The following DACH2 variants were observed in gnomAD, a reference collection of about 807,000 sequenced individuals.
The protein encoded by DACH2 is dachshund homolog 2.
DACH2 carries 17 observed loss-of-function variants against 35.8 expected under a neutral mutation model. That is an observed-to-expected ratio of 0.48 (90% CI 0.33 to 0.71). DACH2 has a LOEUF of 0.71. DACH2 is among the 30% of genes least tolerant of loss of function. DACH2 has a pLI of 0.02. For synonymous variants in DACH2, 195 were observed against 177.3 expected (o/e 1.10, Z -0.79); for missense variants, 469 against 472.7 (o/e 0.99, Z 0.07).
At chrX:86,178,183 G>T (rs1045768853) in intron 1 of DACH2, among the ~76,000 whole-genome samples, 1 of 111,258 alleles carries the variant, frequency 9.0e-6, no homozygotes, top group Non-Finnish European at 1.9e-5. Flanking sequence ...AGGAGTAATT[G>T]CCCTACTCAA....
chrX:86,566,536 G>A (rs2179274), intron 3 of DACH2, among the ~76,000 whole-genome samples: 3 of 110,424 alleles, frequency 2.7e-5, no homozygotes, highest in Non-Finnish European at 5.7e-5. Context: ...AGCCTTAGTC[G>A]ATTAAAAACT....
At chrX:86,239,600 T>C (rs1281573068) in intron 1 of DACH2, among the ~76,000 whole-genome samples, 2 of 112,195 alleles carry the variant, frequency 1.8e-5, no homozygotes, top group Non-Finnish European at 3.8e-5. Flanking sequence ...CTCTTTCTGC[T>C]GTTGATGGAC....
At chrX:86,808,915 T>G (rs1472388437) in intron 7 of DACH2, among the ~76,000 whole-genome samples, 2 of 111,341 alleles carry the variant, frequency 1.8e-5, no homozygotes, top group Admixed American at 1.9e-4. Flanking sequence ...ATTTTCTGGG[T>G]GATTTTTCTA....
At chrX:86,603,732 G>A (rs2039821681) in intron 3 of DACH2, among the ~76,000 whole-genome samples, 1 of 111,088 alleles carries the variant, frequency 9.0e-6, no homozygotes, top group Non-Finnish European at 1.9e-5. Flanking sequence ...GGCTTGATAT[G>A]CTATTCTTTC....
intron 2 of DACH2, among the ~76,000 whole-genome samples, chrX:86,433,906 A>T (rs1433806383): frequency 8.9e-6 from 1 of 111,839 alleles, no homozygotes; most frequent in Non-Finnish European, 1.9e-5. Context: ...AAACATTATC[A>T]TGCATGTCCC....
At chrX:86,819,986 T>TGAA (rs751305353) in intron 11 of DACH2, among the ~76,000 whole-genome samples, 1 of 111,716 alleles carries the variant, frequency 9.0e-6, no homozygotes, top group Admixed American at 9.5e-5. Context: ...TTAAAAAAAA[T>TGAA]GAAGTTAACA....
At chrX:86,695,302 C>G (rs147681205) in intron 5 of DACH2, 123 bp downstream of exon 5, 9,346 of 540,538 alleles carry the variant, frequency 0.017, 76 homozygotes, top group Non-Finnish European at 0.022. Context: ...AATTTAATAT[C>G]AGAAGGGGAG....
At position 86,668,809 on chromosome X, in the gene DACH2, C is replaced by T. The variant is rs190137159; in HGVS notation, c.772+17642C>T. Among the ~76,000 whole-genome samples, 15 of 111,184 alleles carry T rather than the reference C, an allele frequency of 1.3e-4. No homozygotes were observed. In the East Asian group the frequency reaches 4.2e-3, roughly 31 times the overall value. On this transcript the variant is annotated intron_variant, in intron 4 of 11. Transcript: ENST00000373125. ...AGTGGGGAAAGGAAAGAGTATGCAC[C>T]TTGTTTTTAATTTTAGGAAACAAGG...
chrX:86,438,441 G>T (rs2148180168), intron 2 of DACH2, among the ~76,000 whole-genome samples: 1 of 110,526 alleles, frequency 9.0e-6, no homozygotes, highest in South Asian at 3.9e-4. Context: ...GGCCAGGCTG[G>T]TCTTGAACTC....
intron 1 of DACH2, among the ~76,000 whole-genome samples, chrX:86,236,849 C>T (rs1445651981): frequency 8.9e-6 from 1 of 111,817 alleles, no homozygotes; most frequent in Non-Finnish European, 1.9e-5. Context: ...TAGACTACAC[C>T]AATTTTACTT....
chrX:86,288,818 G>A (rs916054036), intron 1 of DACH2, among the ~76,000 whole-genome samples: 14 of 112,168 alleles, frequency 1.2e-4, no homozygotes, highest in African/African-American at 4.5e-4. Flanking sequence ...GTACAGAAAT[G>A]CTGTACTATA....
At chrX:86,289,668 G>A (rs1454054363) in intron 1 of DACH2, among the ~76,000 whole-genome samples, 1 of 101,171 alleles carries the variant, frequency 9.9e-6, no homozygotes, top group Non-Finnish European at 2.0e-5. Context: ...GAGAATATGC[G>A]GTGTTTGGTT....
At chrX:86,730,700 AT>A (rs1369610946) in intron 6 of DACH2, among the ~76,000 whole-genome samples, 2 of 112,119 alleles carry the variant, frequency 1.8e-5, no homozygotes, top group Admixed American at 9.5e-5. Context: ...TCGATTAAGT[AT>A]TTAGATAGAC....
At position 86,350,931 on chromosome X, in the gene DACH2, G is replaced by A. The variant is rs1454473962; in HGVS notation, c.489-25893G>A. Among the ~76,000 whole-genome samples, 280 of 25,035 alleles carry A rather than the reference G, an allele frequency of 0.011. 100 individuals carry two copies. The African/African-American group carries it at 0.12, about 10-fold the overall frequency. 21.7% of individuals were successfully genotyped at this position (25,035 alleles called of 115,157 possible). On this transcript the variant is annotated intron_variant, in intron 1 of 11. Transcript: ENST00000373125. ...GAAGAAAGTCATTGGTAGCTTGATG[G>A]GGATGGCATTGAATCTGTAAATGAC... is the stretch of plus-strand genomic sequence containing the variant.
chrX:86,413,757 C>T (rs753662134), intron 2 of DACH2, among the ~76,000 whole-genome samples: 1 of 111,250 alleles, frequency 9.0e-6, no homozygotes, highest in Non-Finnish European at 1.9e-5. Flanking sequence ...GGGGTTCCTT[C>T]AGCTGCGAAG....
intron 1 of DACH2, among the ~76,000 whole-genome samples, chrX:86,292,628 T>C (rs1396879836): frequency 2.6e-4 from 29 of 110,588 alleles, no homozygotes; most frequent in African/African-American, 9.6e-4. Context: ...ATGTTGTGTC[T>C]TTGTTCTCAT....
At chrX:86,411,843 G>A (rs6623671) in intron 2 of DACH2, among the ~76,000 whole-genome samples, 23,140 of 110,242 alleles carry the variant, frequency 0.21, 2,428 homozygotes, top group South Asian at 0.5. Flanking sequence ...CCTTCAGCAA[G>A]CACCTCAGCA....
At chrX:86,790,552 T>G (rs989047645) in intron 7 of DACH2, among the ~76,000 whole-genome samples, 1 of 111,879 alleles carries the variant, frequency 8.9e-6, no homozygotes, top group East Asian at 2.8e-4. Flanking sequence ...CTTTGTTTAT[T>G]TGTTTGTTTT....
chrX:86,335,211 C>G (rs1237686120), intron 1 of DACH2, among the ~76,000 whole-genome samples: 2 of 111,218 alleles, frequency 1.8e-5, no homozygotes, highest in Admixed American at 9.6e-5. Flanking sequence ...CAGCTTTGTT[C>G]TTTTTGCTTC....
Sources: allele counts gnomAD v4.1 joint callset (sites outside exome capture counted in the v4.1 genomes callset), GRCh38; gene constraint gnomAD v4.1.1; transcripts MANE v1.5; gene names NCBI Gene and HGNC (gene_info 2026-07-23, HGNC 2026-07-21).